NEGR1: variants seen among roughly 807,000 people sequenced by gnomAD.
NEGR1 encodes the protein IgLON family member 4.
Under a neutral mutation model 40.9 loss-of-function variants are expected in NEGR1, and 10 were observed. The observed-to-expected ratio is 0.24, with a 90% CI of 0.15 to 0.42. The LOEUF is 0.42. Ranked by LOEUF, NEGR1 falls within the 10% of genes least tolerant of loss-of-function variation. The probability of loss-of-function intolerance (pLI) is 1.00; values close to 1 mark genes in which losing one functional copy is unlikely to be tolerated. For missense variants in NEGR1, 352 were observed against 438.9 expected, an observed-to-expected ratio of 0.80 and a Z score of 1.77; for synonymous variants, 185 against 166.8, an observed-to-expected ratio of 1.11 and a Z score of -0.84.
intron 1 of NEGR1, among the ~76,000 whole-genome samples, chr1:72,194,604 A>G (rs940288037): frequency 1.3e-5 from 2 of 152,016 alleles, no homozygotes; most frequent in Admixed American, 1.3e-4. Flanking sequence ...ACCTCACAGT[A>G]AACACTGTTT....
intron 1 of NEGR1, among the ~76,000 whole-genome samples, chr1:72,280,182 A>C (rs1161424020): frequency 4.7e-4 from 71 of 152,280 alleles, no homozygotes; most frequent in Admixed American, 4.5e-3. Context: ...CACTGGAAAT[A>C]TATGGTCCCC....
chr1:71,838,514 T>G (rs1338992759), intron 2 of NEGR1, among the ~76,000 whole-genome samples: 1 of 152,052 alleles, frequency 6.6e-6, no homozygotes, highest in Non-Finnish European at 1.5e-5. Flanking sequence ...TACATTAAGG[T>G]GTTGATAATG....
At chr1:71,593,255 T>C (rs1649567943) in intron 5 of NEGR1, among the ~76,000 whole-genome samples, 1 of 152,070 alleles carries the variant, frequency 6.6e-6, no homozygotes, top group Admixed American at 6.6e-5. Flanking sequence ...TTTTAGAAAA[T>C]GAAACATACC....
intron 5 of NEGR1, among the ~76,000 whole-genome samples, chr1:71,600,746 G>A (rs1186352191): frequency 6.6e-6 from 1 of 152,222 alleles, no homozygotes; most frequent in Non-Finnish European, 1.5e-5. Flanking sequence ...ACCCTCTGTT[G>A]TGAGGACTTT....
At chr1:72,252,769 C>T (rs1215921876) in intron 1 of NEGR1, among the ~76,000 whole-genome samples, 1 of 152,118 alleles carries the variant, frequency 6.6e-6, no homozygotes, top group Non-Finnish European at 1.5e-5. Context: ...TTTGGGGGTA[C>T]AGACTCTCTG....
chr1:71,766,943 C>G (rs557702533), intron 3 of NEGR1, among the ~76,000 whole-genome samples: 8 of 152,278 alleles, frequency 5.3e-5, no homozygotes, highest in Admixed American at 5.2e-4. Context: ...CTGTCATGAC[C>G]GTAAGTATCC....
intron 1 of NEGR1, among the ~76,000 whole-genome samples, chr1:72,257,981 T>C (rs1655330353): frequency 6.6e-6 from 1 of 152,146 alleles, no homozygotes; most frequent in African/African-American, 2.4e-5. Context: ...AGATAAGAAG[T>C]GTGAAGTGTC....
intron 1 of NEGR1, among the ~76,000 whole-genome samples, chr1:72,096,257 T>C (rs1648692615): frequency 6.6e-6 from 1 of 152,202 alleles, no homozygotes; most frequent in Non-Finnish European, 1.5e-5. Context: ...TTCAATTCTT[T>C]GGTTTATGAA....
At chr1:71,979,061 C>A (rs1646332131) in intron 1 of NEGR1, among the ~76,000 whole-genome samples, 1 of 152,090 alleles carries the variant, frequency 6.6e-6, no homozygotes, top group Non-Finnish European at 1.5e-5. Flanking sequence ...TTTGCAGGAA[C>A]ATGAATGGAG....
chr1:71,464,818 G>C lies in NEGR1; in HGVS notation c.941-57248C>G, dbSNP rs766470724. ...TTCACACGGTGAACTGCAGCGTCTT[G>C]GTGTTGAAGGAAGTCTACACAGTGG... On this transcript the variant is annotated intron_variant, in intron 6 of 6. Coordinates refer to ENST00000357731, the MANE Select transcript of NEGR1 (RefSeq NM_173808.3). 2.0e-4 allele frequency among the ~76,000 whole-genome samples: 31 copies of C among 152,104 alleles called. No homozygotes were observed. The South Asian group carries it at 2.3e-3, about 11-fold the overall frequency.
At chr1:72,133,913 C>A (rs1362064813) in intron 1 of NEGR1, among the ~76,000 whole-genome samples, 1 of 151,554 alleles carries the variant, frequency 6.6e-6, no homozygotes, top group Non-Finnish European at 1.5e-5. Context: ...AAATTCTGCA[C>A]AAAGAATGTT....
At chr1:71,942,262 TA>T (rs60254465) in intron 1 of NEGR1, among the ~76,000 whole-genome samples, 17,604 of 149,992 alleles carry the variant, frequency 0.12, 1,131 homozygotes, top group Middle Eastern at 0.2. Context: ...TCGAACATCT[TA>T]AAACATTTTT....
Position 71,743,593 on chromosome 1 carries a change from T to C in NEGR1, c.535+32579A>G, listed in dbSNP as rs542667790. Among the ~76,000 whole-genome samples, 70 of 152,290 alleles carry C rather than the reference T, an allele frequency of 4.6e-4. 1 individual carries two copies. In the South Asian group the frequency reaches 0.013, roughly 28 times the overall value. On this transcript the variant is annotated intron_variant, in intron 3 of 6. Transcript: ENST00000357731. ...TATACTGAAAATGGAACCTTATTTA[T>C]AGAGTCCCTTTAAATGCTATTGTTG...
intron 1 of NEGR1, among the ~76,000 whole-genome samples, chr1:72,218,612 G>A (rs1459319953): frequency 1.3e-5 from 2 of 151,842 alleles, no homozygotes; most frequent in South Asian, 2.1e-4. Flanking sequence ...GTTATAGGGA[G>A]TTGTTTTTTT....
At chr1:71,694,000 C>T (rs1176727520) in intron 4 of NEGR1, among the ~76,000 whole-genome samples, 1 of 151,586 alleles carries the variant, frequency 6.6e-6, no homozygotes, top group African/African-American at 2.4e-5. Context: ...CTGTGATCTT[C>T]CCTTTTCTAA....
chr1:71,896,547 G>C (rs965553956), intron 2 of NEGR1, among the ~76,000 whole-genome samples: 2 of 151,860 alleles, frequency 1.3e-5, no homozygotes, highest in Non-Finnish European at 2.9e-5. Flanking sequence ...ATTAAATTTT[G>C]GTTAAGTTTA....
intron 2 of NEGR1, among the ~76,000 whole-genome samples, chr1:71,787,266 A>G (rs1656946734): frequency 1.3e-5 from 2 of 152,242 alleles, no homozygotes; most frequent in African/African-American, 4.8e-5. Flanking sequence ...CTACAAAGCC[A>G]GTGTGGTGTT....
At chr1:71,906,252 G>C (rs956615392) in intron 2 of NEGR1, among the ~76,000 whole-genome samples, 1 of 151,982 alleles carries the variant, frequency 6.6e-6, no homozygotes, top group African/African-American at 2.4e-5. Context: ...GGGGGAAAGG[G>C]AGTGAGGGAC....
At position 72,021,841 on chromosome 1, in the gene NEGR1, C is replaced by T. The variant is rs1017159606; in HGVS notation, c.177-86530G>A. 4.6e-5 allele frequency among the ~76,000 whole-genome samples: 7 copies of T among 152,044 alleles called. No individual in the cohort carries two copies. The South Asian group carries it at 1.0e-3, about 22-fold the overall frequency. Reference sequence around the variant, plus strand: ...ATCCAAAGTTAAAACTTTTTCAAAGCGTAGAAACAAGAGGCTGGGCACGGT... The same window carrying T: ...ATCCAAAGTTAAAACTTTTTCAAAGTGTAGAAACAAGAGGCTGGGCACGGT... On this transcript the variant is annotated intron_variant, in intron 1 of 6. Coordinates refer to ENST00000357731, the MANE Select transcript of NEGR1 (RefSeq NM_173808.3).
Sources: allele counts gnomAD v4.1 joint callset (sites outside exome capture counted in the v4.1 genomes callset), GRCh38; gene constraint gnomAD v4.1.1; transcripts MANE v1.5; gene names NCBI Gene and HGNC (gene_info 2026-07-23, HGNC 2026-07-21).